PCDHGB2: variants seen among roughly 807,000 people sequenced by gnomAD.
The protein encoded by PCDHGB2 is protocadherin gamma subfamily B, 2, also known as protocadherin gamma-B2.
In PCDHGB2, 55 loss-of-function variants were observed where a neutral mutation model predicts 59.3. That is an observed-to-expected ratio of 0.93 (90% CI 0.75 to 1.16). The LOEUF (loss-of-function observed/expected upper bound fraction) is 1.16, where lower values mean the gene tolerates loss of function less well. Ranked by LOEUF, PCDHGB2 falls within the 50% of genes most tolerant of loss-of-function variation. The pLI, the probability that PCDHGB2 is intolerant of heterozygous loss-of-function variation, is 0.00. For synonymous variants in PCDHGB2, 516 were observed against 512.0 expected (o/e 1.01, Z -0.11); for missense variants, 1,228 against 1,198.5 (o/e 1.02, Z -0.36).
intron 1 of PCDHGB2, chr5:141,400,533 C>A (rs1416453682): frequency 6.2e-7 from 1 of 1,613,900 alleles, no homozygotes; most frequent in Non-Finnish European, 8.5e-7. Context: ...TGGTGAGTTT[C>A]ATTTATGTCT....
chr5:141,415,585 C>G (rs1589974529), intron 1 of PCDHGB2: 5 of 1,613,900 alleles, frequency 3.1e-6, no homozygotes, highest in Non-Finnish European at 3.4e-6. Context: ...TTCGAAGTTT[C>G]CTATAGAGGA....
chr5:141,385,132 G>T (rs763210124), intron 1 of PCDHGB2: 2 of 1,614,094 alleles, frequency 1.2e-6, no homozygotes, highest in African/African-American at 1.3e-5. Flanking sequence ...GGGCATGGAC[G>T]GGGTGCAGGC....
intron 1 of PCDHGB2, chr5:141,426,513 C>G (rs780618436): frequency 2.3e-5 from 8 of 341,028 alleles, no homozygotes; most frequent in African/African-American, 4.3e-5. Flanking sequence ...AATACTTTAC[C>G]GTGAACACGG....
intron 1 of PCDHGB2, chr5:141,410,309 T>G: frequency 6.2e-7 from 1 of 1,613,998 alleles, no homozygotes; most frequent in Non-Finnish European, 8.5e-7. Flanking sequence ...CTCAGTGCTC[T>G]TCCTCCTCGC....
In PCDHGB2 at chr5:141,383,270, T is replaced by C. The variant is rs373497176; in HGVS notation, c.2421+20714T>C. 25 of 1,613,746 alleles carry C rather than the reference T, an allele frequency of 1.5e-5. No homozygotes were observed. Among genetic ancestry groups the C allele is most frequent in the East Asian group, 1.1e-4 (5 of 44,896 alleles). On this transcript the variant is annotated intron_variant, in intron 1 of 3. Transcript: ENST00000522605. ...CTTTACCCTATAGACGTGGAAATAA[T>C]AGATATTAATGACAACGTTCCAAGA...
In PCDHGB2 at chr5:141,431,184, T is replaced by G. The variant is rs754537015; in HGVS notation, c.2422-63623T>G. The G allele has an allele frequency of 5.6e-6, 9 of 1,614,090 alleles. No homozygotes were observed. Among genetic ancestry groups the G allele is most frequent in the Non-Finnish European group, 6.8e-6 (8 of 1,180,050 alleles). ...CGTGAAAGTGAATTAGAAATAAAAA[T>G]TAGTGAAAATGCAGCCACTGAGATG... On this transcript the variant is annotated intron_variant, in intron 1 of 3. Transcript: ENST00000522605. The surrounding 1 kb of genome is among the most constrained non-coding windows in gnomAD (Gnocchi z 4.8).
intron 1 of PCDHGB2, chr5:141,409,809 A>G: frequency 1.2e-6 from 2 of 1,611,542 alleles, no homozygotes; most frequent in Non-Finnish European, 1.7e-6. Context: ...CAGGCCCGCG[A>G]CCACGGCTCG....
intron 1 of PCDHGB2, chr5:141,409,795 G>A (rs764584425): frequency 1.2e-6 from 2 of 1,611,722 alleles, no homozygotes; most frequent in Admixed American, 1.7e-5. Context: ...TCGCGCTCAC[G>A]CTGCAGGCCC....
Position 141,419,064 on chromosome 5 carries a change from A to G in PCDHGB2, c.2421+56508A>G, listed in dbSNP as rs149057484. ...ATTCATTCTTCTTCTAATAATTACT[A>G]CAAGCTAGTAACAGATGAGGCCCTG... On this transcript the variant is annotated intron_variant, in intron 1 of 3. Transcript: ENST00000522605. 51 of 1,613,962 alleles carry G rather than the reference A, an allele frequency of 3.2e-5. No homozygotes were observed. In the African/African-American group the frequency reaches 5.9e-4, roughly 19 times the overall value.
At chr5:141,449,888 A>G (rs544369390) in intron 1 of PCDHGB2, among the ~76,000 whole-genome samples, 1 of 151,990 alleles carries the variant, frequency 6.6e-6, no homozygotes, top group Non-Finnish European at 1.5e-5. Flanking sequence ...ATGCAATATA[A>G]TTATTTAGCC....
intron 1 of PCDHGB2, chr5:141,374,136 C>T (rs769413254): frequency 1.2e-5 from 19 of 1,605,624 alleles, no homozygotes; most frequent in Non-Finnish European, 1.4e-5. Context: ...CTGCTCCTCA[C>T]GCTCCTGGGG....
intron 1 of PCDHGB2, among the ~76,000 whole-genome samples, chr5:141,494,512 C>T (rs2154591503): frequency 6.6e-6 from 1 of 152,276 alleles, no homozygotes; most frequent in Middle Eastern, 3.4e-3. Context: ...AATTTTGGCT[C>T]AGGAGTTCTG....
At chr5:141,446,288 G>C (rs1437669688) in intron 1 of PCDHGB2, among the ~76,000 whole-genome samples, 1 of 152,100 alleles carries the variant, frequency 6.6e-6, no homozygotes, top group Non-Finnish European at 1.5e-5. Flanking sequence ...GGATAAATGG[G>C]GAGCAGGGAT....
intron 1 of PCDHGB2, chr5:141,375,875 T>C: frequency 6.2e-7 from 1 of 1,613,778 alleles, no homozygotes; most frequent in Non-Finnish European, 8.5e-7. Flanking sequence ...GGACAGAGAC[T>C]CGGGCCAGAA....
Position 141,491,944 on chromosome 5 carries a change from C to T in PCDHGB2, c.2422-2863C>T, listed in dbSNP as rs1245968796. ...CGAGGGGAGGTGGGACCGACCCCCACCCCTACACTCAAAAAAGGCCGGGGC... is the reference window on the plus strand; with the variant it reads ...CGAGGGGAGGTGGGACCGACCCCCATCCCTACACTCAAAAAAGGCCGGGGC... On this transcript the variant is annotated intron_variant, in intron 1 of 3. Transcript: ENST00000522605. This position sits in a 1 kb window ranked among gnomAD's most constrained non-coding sequence, Gnocchi z 6.9. The T allele has an allele frequency of 1.8e-6, 2 of 1,120,156 alleles. No individual in the cohort carries two copies. Among genetic ancestry groups the T allele is most frequent in the Non-Finnish European group, 2.4e-6 (2 of 822,072 alleles). The allele number at this position is 1,120,156 out of a possible 1,614,324, so 69.4% of individuals were successfully genotyped here. A position where few individuals can be genotyped will look rare whatever the true frequency, so the allele number is the denominator to read the frequency against.
chr5:141,511,003 G>T lies in PCDHGB2; in HGVS notation c.2626G>T (p.Ala876Ser), dbSNP rs114669158. ...GGGAGTMGLS[A>S]RYGPQFTLQH... The stretch of plus-strand genomic sequence containing the variant: ...GGGTGCCGGCACCATGGGATTGAGC[G>T]CCCGCTACGGACCCCAGTTCACCCT... Residue 876 changes from alanine to serine, a missense_variant, in exon 4 of 4, where the codon GCC (alanine) becomes TCC (serine). Coordinates refer to ENST00000522605, the MANE Select transcript of PCDHGB2 (RefSeq NM_018923.3). 2 of 1,614,032 alleles carry T rather than the reference G, an allele frequency of 1.2e-6. No individual in the cohort carries two copies. Among genetic ancestry groups the T allele is most frequent in the Non-Finnish European group, 1.7e-6 (2 of 1,180,020 alleles).
In PCDHGB2 at chr5:141,431,339, T is replaced by A. The variant is rs1374646530; in HGVS notation, c.2422-63468T>A. 7.4e-6 allele frequency: 12 copies of A among 1,613,942 alleles called. No homozygotes were observed. In the Admixed American group the frequency reaches 1.2e-4, roughly 16 times the overall value. ...AGCCGACGGTAGTAAGTACCCCGAA[T>A]TGGTGCTGAAACGCGCCCTGGACCG... On this transcript the variant is annotated intron_variant, in intron 1 of 3. Coordinates refer to ENST00000522605, the MANE Select transcript of PCDHGB2 (RefSeq NM_018923.3). This position sits in a 1 kb window ranked among gnomAD's most constrained non-coding sequence, Gnocchi z 4.8.
intron 3 of PCDHGB2, among the ~76,000 whole-genome samples, chr5:141,507,790 A>C (rs922507228): frequency 5.9e-5 from 9 of 152,188 alleles, no homozygotes; most frequent in Admixed American, 2.6e-4. Context: ...ACCCTCGTCT[A>C]AGCCTGCGCC....
chr5:141,389,397 A>G (rs1196356712), intron 1 of PCDHGB2: 2 of 1,613,688 alleles, frequency 1.2e-6, no homozygotes, highest in Admixed American at 3.3e-5. Context: ...CTACGTGTCC[A>G]TAAGCGCGGA....
Sources: allele counts gnomAD v4.1 joint callset (sites outside exome capture counted in the v4.1 genomes callset), GRCh38; gene constraint gnomAD v4.1.1; non-coding constraint Gnocchi (gnomAD v3.1); transcripts MANE v1.5; gene names NCBI Gene and HGNC (gene_info 2026-07-23, HGNC 2026-07-21).